Variants in MYLK observed in about 807,000 individuals in gnomAD.
The protein encoded by MYLK is myosin light chain kinase.
In MYLK, 106 loss-of-function variants were observed where a neutral mutation model predicts 203.4. That is an observed-to-expected ratio of 0.52 (90% CI 0.45 to 0.61). MYLK has a LOEUF of 0.61. Ranked by LOEUF, MYLK falls within the 20% of genes least tolerant of loss-of-function variation. The pLI is 0.00. For synonymous variants in MYLK, 867 were observed against 959.5 expected (o/e 0.90, Z 1.78); for missense variants, 2,072 against 2,442.3 (o/e 0.85, Z 3.20).
intron 4 of MYLK, among the ~76,000 whole-genome samples, chr3:123,763,060 G>A (rs1326560427): frequency 6.6e-6 from 1 of 152,130 alleles, no homozygotes; most frequent in Non-Finnish European, 1.5e-5. Flanking sequence ...ACATCGACAT[G>A]ACAAAAATTG....
chr3:123,762,505 T>C (rs1276190594), intron 4 of MYLK, among the ~76,000 whole-genome samples: 1 of 152,182 alleles, frequency 6.6e-6, no homozygotes, highest in Non-Finnish European at 1.5e-5. Flanking sequence ...TTGCTGGGAT[T>C]ACAGGTGTGA....
At chr3:123,728,484 G>A (rs1251882645) in intron 11 of MYLK, among the ~76,000 whole-genome samples, 1 of 152,130 alleles carries the variant, frequency 6.6e-6, no homozygotes, top group Non-Finnish European at 1.5e-5. Flanking sequence ...TCCAGTCTGG[G>A]TGACAGAGCG....
At chr3:123,688,803 C>G (rs553866733) in intron 19 of MYLK, among the ~76,000 whole-genome samples, 11 of 152,256 alleles carry the variant, frequency 7.2e-5, no homozygotes, top group Admixed American at 3.3e-4. Context: ...TTCCTTCAGT[C>G]TCTGTTCAAA....
intron 4 of MYLK, among the ~76,000 whole-genome samples, chr3:123,783,270 C>G (rs2109042981): frequency 6.6e-6 from 1 of 152,300 alleles, no homozygotes; most frequent in East Asian, 1.9e-4. Flanking sequence ...ATCTAAGCCC[C>G]AAGGAGGCTG....
intron 2 of MYLK, among the ~76,000 whole-genome samples, chr3:123,842,374 C>T (rs1397295083): frequency 6.6e-6 from 1 of 152,118 alleles, no homozygotes; most frequent in African/African-American, 2.4e-5. Context: ...TAGTAACTAT[C>T]TCCAATATCA....
intron 4 of MYLK, among the ~76,000 whole-genome samples, chr3:123,756,723 C>T (rs1361070126): frequency 6.6e-6 from 1 of 152,086 alleles, no homozygotes; most frequent in Non-Finnish European, 1.5e-5. Flanking sequence ...GAATAGACAG[C>T]CCTGAGTTTT....
At position 123,647,518 on chromosome 3, in the gene MYLK, C is replaced by G. The variant is rs1307986130; in HGVS notation, c.4416-91G>C. 2.8e-6 allele frequency: 3 copies of G among 1,067,798 alleles called. No individual in the cohort carries two copies. The African/African-American group carries it at 4.7e-5, about 17-fold the overall frequency. 66.1% of individuals were successfully genotyped at this position (1,067,798 alleles called of 1,614,324 possible). A position where few individuals can be genotyped will look rare whatever the true frequency, so the allele number is the denominator to read the frequency against. ...GCAAATTATGGCCCATGGGACAGATCTGGCCCACCTCCTTTTATAAGTAAG... is the reference window on the plus strand; with the variant it reads ...GCAAATTATGGCCCATGGGACAGATGTGGCCCACCTCCTTTTATAAGTAAG... On this transcript the variant is annotated intron_variant, in intron 26 of 33. Coordinates refer to ENST00000360304, the MANE Select transcript of MYLK (RefSeq NM_053025.4).
intron 5 of MYLK, among the ~76,000 whole-genome samples, chr3:123,751,126 T>C (rs2063179503): frequency 6.6e-6 from 1 of 152,214 alleles, no homozygotes; most frequent in African/African-American, 2.4e-5. Context: ...GAAGTGAGTC[T>C]GAGCCTTGGT....
intron 19 of MYLK, among the ~76,000 whole-genome samples, chr3:123,687,095 G>T (rs1380965744): frequency 6.6e-6 from 1 of 152,130 alleles, no homozygotes; most frequent in Non-Finnish European, 1.5e-5. Context: ...GTTGGCGGGT[G>T]CCTGTAACCT....
intron 2 of MYLK, among the ~76,000 whole-genome samples, chr3:123,850,205 T>C (rs1224462659): frequency 6.6e-6 from 1 of 152,150 alleles, no homozygotes; most frequent in Non-Finnish European, 1.5e-5. Context: ...AGTAAACATA[T>C]GTGTGCATGT....
At chr3:123,835,042 G>A (rs1317927006) in intron 2 of MYLK, among the ~76,000 whole-genome samples, 1 of 152,190 alleles carries the variant, frequency 6.6e-6, no homozygotes, top group Non-Finnish European at 1.5e-5. Flanking sequence ...ATGTCTAAAT[G>A]AAGACACAAC....
At chr3:123,665,245 C>T (rs1576477439) in intron 22 of MYLK, among the ~76,000 whole-genome samples, 2 of 152,140 alleles carry the variant, frequency 1.3e-5, no homozygotes, top group Admixed American at 1.3e-4. Flanking sequence ...CTGGTGGCTG[C>T]CATATTGGAT....
chr3:123,788,845 G>C (rs1409406403), intron 4 of MYLK, among the ~76,000 whole-genome samples: 1 of 152,194 alleles, frequency 6.6e-6, no homozygotes, highest in East Asian at 1.9e-4. Flanking sequence ...AAGGCCAGCA[G>C]TGTGAGCCGA....
intron 3 of MYLK, among the ~76,000 whole-genome samples, chr3:123,804,546 T>G (rs548613098): frequency 1.6e-4 from 25 of 152,302 alleles, no homozygotes; most frequent in African/African-American, 6.0e-4. Flanking sequence ...GTTCTCTACC[T>G]GCAGACTGTA....
chr3:123,793,749 C>A lies in MYLK; in HGVS notation c.93G>T (p.Glu31Asp). The A allele has an allele frequency of 6.2e-7, 1 of 1,614,126 alleles. No homozygotes were observed. Among genetic ancestry groups the A allele is most frequent in the Non-Finnish European group, 8.5e-7 (1 of 1,180,036 alleles). The change falls in exon 4 of 34, where the codon GAG becomes GAT. Residue 31 changes from glutamate (E) to aspartate (D), a missense_variant. Physicochemically the swap from Glu to Asp is conservative, Grantham distance 45. Coordinates refer to ENST00000360304, the MANE Select transcript of MYLK (RefSeq NM_053025.4). ...PSRVDSMPLT[E>D]APAFILPPRN... ...GAGGGGGCAAAATGAAAGCAGGGGC[C>A]TCTGTCAGGGGCATGGAGTCAACTC... is the stretch of plus-strand genomic sequence containing the variant.
At chr3:123,638,027 T>A (rs375085375) in intron 29 of MYLK, 44 bp downstream of exon 29, 73 of 1,612,078 alleles carry the variant, frequency 4.5e-5, no homozygotes, top group Non-Finnish European at 5.5e-5. Flanking sequence ...CACCCACTGG[T>A]CCACCAAGTG....
intron 4 of MYLK, among the ~76,000 whole-genome samples, chr3:123,765,475 G>A (rs1460431421): frequency 1.3e-5 from 2 of 151,340 alleles, no homozygotes; most frequent in African/African-American, 4.9e-5. Context: ...AGATTGCAAT[G>A]AGCCGAGATT....
intron 4 of MYLK, among the ~76,000 whole-genome samples, chr3:123,789,357 T>G (rs2064679775): frequency 6.6e-6 from 1 of 152,022 alleles, no homozygotes; most frequent in Non-Finnish European, 1.5e-5. Context: ...TAGCAACATC[T>G]TTTCATGGGA....
intron 19 of MYLK, among the ~76,000 whole-genome samples, chr3:123,683,099 A>G (rs971491102): frequency 1.3e-5 from 2 of 152,026 alleles, no homozygotes; most frequent in African/African-American, 4.8e-5. Context: ...CCAGGACACT[A>G]TGGGGAAACC....
Sources: allele counts gnomAD v4.1 joint callset (sites outside exome capture counted in the v4.1 genomes callset), GRCh38; gene constraint gnomAD v4.1.1; transcripts MANE v1.5; gene names NCBI Gene and HGNC (gene_info 2026-07-23, HGNC 2026-07-21).